Variants in GRID2 observed in about 807,000 individuals in gnomAD.
The protein encoded by GRID2 is glutamate ionotropic receptor delta type subunit 2, also known as glutamate receptor ionotropic, delta-2.
In GRID2, 33 loss-of-function variants were observed where a neutral mutation model predicts 114.8. That is an observed-to-expected ratio of 0.29 (90% CI 0.22 to 0.38). GRID2 has a LOEUF of 0.38. Ranked by LOEUF, GRID2 falls within the 10% of genes least tolerant of loss-of-function variation. The probability of loss-of-function intolerance (pLI) is 1.00; values close to 1 mark genes in which losing one functional copy is unlikely to be tolerated. For missense variants in GRID2, 1,184 were observed against 1,257.7 expected (o/e 0.94, Z 0.89); for synonymous variants, 505 against 449.9 (o/e 1.12, Z -1.55).
chr4:92,536,419 C>T (rs187349636), intron 1 of GRID2, among the ~76,000 whole-genome samples: 2 of 152,284 alleles, frequency 1.3e-5, no homozygotes, highest in East Asian at 3.9e-4. Flanking sequence ...CCGGCTTCAC[C>T]TCTCACTACG....
At chr4:93,532,046 CCTA>C (rs1731500622) in intron 13 of GRID2, among the ~76,000 whole-genome samples, 1 of 151,990 alleles carries the variant, frequency 6.6e-6, no homozygotes, top group Non-Finnish European at 1.5e-5. Flanking sequence ...TCTGAAATTC[CCTA>C]CTAACTGGTT....
intron 10 of GRID2, among the ~76,000 whole-genome samples, chr4:93,424,926 C>T (rs1768690217): frequency 6.6e-6 from 1 of 152,122 alleles, no homozygotes; most frequent in Non-Finnish European, 1.5e-5. Flanking sequence ...TACTGATATT[C>T]TGCCACCTTC....
intron 12 of GRID2, among the ~76,000 whole-genome samples, chr4:93,504,527 C>T (rs925177997): frequency 6.6e-6 from 1 of 151,836 alleles, no homozygotes; most frequent in Non-Finnish European, 1.5e-5. Flanking sequence ...ACAAATAAAA[C>T]AAGGTGATTA....
chr4:92,680,012 C>G (rs934233607), intron 2 of GRID2, among the ~76,000 whole-genome samples: 1 of 151,662 alleles, frequency 6.6e-6, no homozygotes, highest in Non-Finnish European at 1.5e-5. Flanking sequence ...TGACTCAATT[C>G]AACTTTCCTG....
intron 13 of GRID2, among the ~76,000 whole-genome samples, chr4:93,546,331 T>G (rs1402138247): frequency 6.6e-6 from 1 of 152,122 alleles, no homozygotes; most frequent in African/African-American, 2.4e-5. Context: ...TTGGGAATTA[T>G]CAGAATACAG....
chr4:93,020,344 G>A (rs1322937766), intron 2 of GRID2, among the ~76,000 whole-genome samples: 1 of 151,738 alleles, frequency 6.6e-6, no homozygotes, highest in East Asian at 1.9e-4. Context: ...AATATTTTTA[G>A]CTGTAATAAA....
chr4:93,457,339 G>C (rs549399361), intron 11 of GRID2, among the ~76,000 whole-genome samples: 51 of 151,942 alleles, frequency 3.4e-4, no homozygotes, highest in African/African-American at 1.1e-3. Context: ...AGACATAAAC[G>C]GTTAGGATGG....
intron 11 of GRID2, among the ~76,000 whole-genome samples, chr4:93,470,355 C>T (rs189491098): frequency 1.3e-5 from 2 of 152,158 alleles, no homozygotes; most frequent in African/African-American, 4.8e-5. Flanking sequence ...GCATTTACCC[C>T]CAGGAAACTT....
At chr4:93,752,856 G>C (rs990318925) in intron 14 of GRID2, among the ~76,000 whole-genome samples, 11 of 152,176 alleles carry the variant, frequency 7.2e-5, no homozygotes, top group Middle Eastern at 3.4e-3. Flanking sequence ...TTGTTTTGCA[G>C]GTAAAATCCA....
At position 93,677,943 on chromosome 4, in the gene GRID2, C is replaced by T. The variant is rs1426758703; in HGVS notation, c.2360+51508C>T. Among the ~76,000 whole-genome samples, 8 of 101,216 alleles carry T rather than the reference C, an allele frequency of 7.9e-5. No homozygotes were observed. In the East Asian group the frequency reaches 1.1e-3, roughly 13 times the overall value. The allele number at this position is 101,216 out of a possible 152,430, so 66.4% of individuals were successfully genotyped here. A position where few individuals can be genotyped will look rare whatever the true frequency, so the allele number is the denominator to read the frequency against. On this transcript the variant is annotated intron_variant, in intron 14 of 15. Transcript: ENST00000282020. The stretch of plus-strand genomic sequence containing the variant: ...AAAGCTGGATGGAGAATGACTTTGA[C>T]GAGTTGAGAGAAGGCTTCAGACGAT...
intron 2 of GRID2, among the ~76,000 whole-genome samples, chr4:93,016,015 A>T (rs1722662723): frequency 6.6e-6 from 1 of 151,636 alleles, no homozygotes; most frequent in African/African-American, 2.4e-5. Context: ...ATCTACAAAG[A>T]GTTAAGATAA....
In GRID2 at chr4:92,982,040, A is replaced by G. The variant is rs796157278; in HGVS notation, c.245-102955A>G. On this transcript the variant is annotated intron_variant, in intron 2 of 15. Coordinates refer to ENST00000282020, the MANE Select transcript of GRID2 (RefSeq NM_001510.4). The stretch of plus-strand genomic sequence containing the variant: ...GTACTGGTAAAAAAAAAAAAAAAAA[A>G]AAAAAGAAAAAGAAAAAAGAAAAAG... Among the ~76,000 whole-genome samples, 67 of 112,826 alleles carry G rather than the reference A, an allele frequency of 5.9e-4. 1 individual carries two copies. Among genetic ancestry groups the G allele is most frequent in the South Asian group, 3.0e-3 (9 of 3,044 alleles). The allele number at this position is 112,826 out of a possible 152,430, so 74.0% of individuals were successfully genotyped here.
At chr4:92,805,832 CA>C (rs1163991034) in intron 2 of GRID2, among the ~76,000 whole-genome samples, 1 of 151,814 alleles carries the variant, frequency 6.6e-6, no homozygotes, top group African/African-American at 2.4e-5. Flanking sequence ...CTCTTTTTGA[CA>C]CTTCTCATAG....
chr4:93,796,234 GT>G (rs1213391929), intron 1 of GRID2, among the ~76,000 whole-genome samples: 3 of 152,122 alleles, frequency 2.0e-5, no homozygotes, highest in African/African-American at 7.2e-5. Flanking sequence ...TTAACTCAAA[GT>G]TGACTGATTA....
intron 5 of GRID2, among the ~76,000 whole-genome samples, chr4:93,209,059 T>C (rs1272058605): frequency 6.6e-6 from 1 of 152,022 alleles, no homozygotes; most frequent in Admixed American, 6.6e-5. Flanking sequence ...ACTTAATCTT[T>C]TTCAGTGTAA....
intron 13 of GRID2, among the ~76,000 whole-genome samples, chr4:93,606,939 TA>T (rs535509750): frequency 6.6e-5 from 10 of 152,194 alleles, no homozygotes; most frequent in Non-Finnish European, 1.2e-4. Context: ...ACTGTATACC[TA>T]AAAATTATGA....
chr4:92,941,332 G>C lies in GRID2; in HGVS notation c.245-143663G>C, dbSNP rs557179848. ...GTGTCAAGGAATTTATCCATTTCTT[G>C]TAGATTTTCTAGTTTATTTGCATAG... On this transcript the variant is annotated intron_variant, in intron 2 of 15. Transcript: ENST00000282020. Among the ~76,000 whole-genome samples, 64 of 152,090 alleles carry C rather than the reference G, an allele frequency of 4.2e-4. No homozygotes were observed. The Middle Eastern group carries it at 0.01, about 24-fold the overall frequency.
At chr4:92,470,754 C>A (rs1205889697) in intron 1 of GRID2, among the ~76,000 whole-genome samples, 1 of 151,830 alleles carries the variant, frequency 6.6e-6, no homozygotes, top group East Asian at 1.9e-4. Flanking sequence ...TACGAGTGCC[C>A]ACTAGGTGAA....
At chr4:92,499,073 T>C (rs1162586547) in intron 1 of GRID2, among the ~76,000 whole-genome samples, 1 of 152,010 alleles carries the variant, frequency 6.6e-6, no homozygotes, top group Non-Finnish European at 1.5e-5. Flanking sequence ...CTTACTTTTA[T>C]ACAGATGCAT....
Sources: gnomAD v4.1 joint callset for allele counts (sites outside exome capture counted in the v4.1 genomes callset) on GRCh38, gnomAD v4.1.1 for gene constraint, MANE v1.5 for transcripts, NCBI Gene and HGNC (gene_info 2026-07-23, HGNC 2026-07-21) for gene names.